OPRM1: variants seen among roughly 807,000 people sequenced by gnomAD.
The protein encoded by OPRM1 is opioid receptor mu 1.
A neutral mutation model predicts 31.8 loss-of-function variants in OPRM1; 27 were observed. The observed-to-expected ratio is 0.85, with a 90% CI of 0.63 to 1.17. The LOEUF (loss-of-function observed/expected upper bound fraction) is 1.17, where lower values mean the gene tolerates loss of function less well. OPRM1 is among the 50% of genes most tolerant of loss of function. OPRM1 has a pLI of 0.00. For missense variants in OPRM1, 536 were observed against 511.1 expected (o/e 1.05, Z -0.47); for synonymous variants, 196 against 189.9 (o/e 1.03, Z -0.26).
At chr6:154,226,544 G>T (rs1032384867) in intron 3 of OPRM1, among the ~76,000 whole-genome samples, 7 of 151,958 alleles carry the variant, frequency 4.6e-5, no homozygotes, top group African/African-American at 1.7e-4. Flanking sequence ...TGCTGCATCT[G>T]CTCAGGTCTT....
At chr6:154,183,490 C>G (rs12198177) in intron 3 of OPRM1, among the ~76,000 whole-genome samples, 52,074 of 152,002 alleles carry the variant, frequency 0.34, 9,276 homozygotes, top group Middle Eastern at 0.48. Flanking sequence ...TAAATAAAAC[C>G]TGAAAATTAA....
intron 3 of OPRM1, among the ~76,000 whole-genome samples, chr6:154,177,384 A>G (rs1025663426): frequency 5.9e-5 from 9 of 152,244 alleles, no homozygotes; most frequent in Non-Finnish European, 8.8e-5. Context: ...TTTGCAATCT[A>G]TCCATCTGAC....
rs1173242293 is a variant in OPRM1 at position 154,176,528 on chromosome 6, AACAG to A, written c.1165-70159_1165-70156del. Among the ~76,000 whole-genome samples the A allele has an allele frequency of 7.2e-5, 11 of 152,194 alleles. No individual in the cohort carries two copies. The South Asian group carries it at 1.0e-3, about 14-fold the overall frequency. On this transcript the variant is annotated intron_variant, in intron 3 of 3. Transcript: ENST00000337049. Reference sequence around the variant, plus strand: ...ATCACAAGCATTCCAATACACCAATAACAGACAGAGAGCCAAATCATGAGTGAAC... The same window carrying A: ...ATCACAAGCATTCCAATACACCAATAACAGAGAGCCAAATCATGAGTGAAC...
At chr6:154,054,646 C>T (rs1325776668) in intron 1 of OPRM1, among the ~76,000 whole-genome samples, 3 of 152,180 alleles carry the variant, frequency 2.0e-5, no homozygotes, top group Non-Finnish European at 4.4e-5. Context: ...AATTATCTTG[C>T]AGAAAAGCGA....
chr6:154,144,736 G>A (rs1339687895), intron 3 of OPRM1, among the ~76,000 whole-genome samples: 19 of 122,554 alleles, frequency 1.6e-4, no homozygotes, highest in African/African-American at 3.9e-4. Context: ...CAACAAGAGC[G>A]AGACTCTGTC....
intron 3 of OPRM1, among the ~76,000 whole-genome samples, chr6:154,152,362 A>AAAG (rs1374121840): frequency 3.4e-5 from 5 of 148,664 alleles, no homozygotes; most frequent in African/African-American, 1.3e-4. Context: ...GAAAGAAAGA[A>AAAG]AGAAAGAAAG....
chr6:154,227,330 G>A (rs923819431), intron 3 of OPRM1, among the ~76,000 whole-genome samples: 1 of 152,156 alleles, frequency 6.6e-6, no homozygotes, highest in Non-Finnish European at 1.5e-5. Context: ...CTCATTTTCA[G>A]TACAATAAAT....
chr6:154,103,392 A>G (rs550619850), intron 3 of OPRM1, among the ~76,000 whole-genome samples: 5 of 152,350 alleles, frequency 3.3e-5, no homozygotes, highest in Non-Finnish European at 2.9e-5. Context: ...ATCATTAGTT[A>G]TGGCAAAATA....
At chr6:154,137,596 C>A (rs1462106444) in intron 3 of OPRM1, among the ~76,000 whole-genome samples, 1 of 152,190 alleles carries the variant, frequency 6.6e-6, no homozygotes, top group Non-Finnish European at 1.5e-5. Flanking sequence ...AGAGAAGATT[C>A]TGGTGATATT....
chr6:154,056,159 C>CT (rs1783240880), intron 1 of OPRM1, among the ~76,000 whole-genome samples: 1 of 151,610 alleles, frequency 6.6e-6, no homozygotes, highest in African/African-American at 2.4e-5. Flanking sequence ...GAGTCTTGCT[C>CT]TGTCACCAGG....
intron 3 of OPRM1, among the ~76,000 whole-genome samples, chr6:154,140,337 T>A (rs589828): frequency 0.2 from 17,808 of 89,790 alleles, 1,286 homozygotes; most frequent in Admixed American, 0.33. Context: ...ATTTTATTTT[T>A]TTTTTTTTTT....
chr6:154,205,946 C>A (rs1480726470), intron 3 of OPRM1, among the ~76,000 whole-genome samples: 4 of 152,200 alleles, frequency 2.6e-5, no homozygotes, highest in Admixed American at 1.3e-4. Flanking sequence ...GGCTATGCTG[C>A]AGCCTTCCCC....
At chr6:154,142,485 G>A (rs1194735845) in intron 3 of OPRM1, among the ~76,000 whole-genome samples, 1 of 152,016 alleles carries the variant, frequency 6.6e-6, no homozygotes, top group Non-Finnish European at 1.5e-5. Context: ...GTGTACTCTT[G>A]TCGCCCTGGG....
intron 3 of OPRM1, 71 bp downstream of exon 3, chr6:154,091,543 A>T (rs1792224057): frequency 6.6e-7 from 1 of 1,516,378 alleles, no homozygotes. Context: ...GTGCTAAACT[A>T]GGAGTTTAAT....
intron 3 of OPRM1, among the ~76,000 whole-genome samples, chr6:154,237,151 A>T (rs1780198710): frequency 6.6e-6 from 1 of 152,188 alleles, no homozygotes; most frequent in Non-Finnish European, 1.5e-5. Context: ...ACAGATGATA[A>T]ATCTTCAAAT....
At chr6:154,117,501 G>C (rs1796996790) in intron 3 of OPRM1, among the ~76,000 whole-genome samples, 1 of 152,094 alleles carries the variant, frequency 6.6e-6, no homozygotes, top group Non-Finnish European at 1.5e-5. Flanking sequence ...AATACGATGG[G>C]ACCAGACTGC....
intron 3 of OPRM1, among the ~76,000 whole-genome samples, chr6:154,109,792 CTGTGTGTGTGTGTGTG>C (rs377400514): frequency 2.3e-3 from 233 of 101,276 alleles, no homozygotes; most frequent in Non-Finnish European, 4.1e-3. Context: ...CTCTCTCTCT[CTGTGTGTGTGTGTGTG>C]TGTGTGTGTG....
chr6:154,103,321 T>C (rs1410202845), intron 3 of OPRM1, among the ~76,000 whole-genome samples: 2 of 152,206 alleles, frequency 1.3e-5, no homozygotes, highest in South Asian at 2.1e-4. Context: ...CTGGATTAAA[T>C]CATTAAAATG....
chr6:154,122,922 G>C lies in OPRM1; in HGVS notation c.*4201G>C, dbSNP rs115962359. 1.3e-5 allele frequency among the ~76,000 whole-genome samples: 2 copies of C among 152,170 alleles called. No individual in the cohort carries two copies. The highest frequency in any genetic ancestry group is 4.8e-5 in the African/African-American group (2 of 41,432). The stretch of plus-strand genomic sequence containing the variant: ...AGTAAAGTGAAAGTGAAATGGGTCA[G>C]GATCAATGGTCTCATTGTCTAAGGT... On this transcript the variant is annotated 3_prime_UTR_variant, in exon 4 of 4. Transcript: ENST00000330432.
Sources: allele counts gnomAD v4.1 joint callset (sites outside exome capture counted in the v4.1 genomes callset), GRCh38; gene constraint gnomAD v4.1.1; transcripts MANE v1.5; gene names NCBI Gene and HGNC (gene_info 2026-07-23, HGNC 2026-07-21).